Variants in LRRTM4 observed in about 807,000 individuals in gnomAD.
The protein encoded by LRRTM4 is leucine rich repeat transmembrane neuronal 4, also known as leucine-rich repeat transmembrane neuronal protein 4.
A neutral mutation model predicts 47.6 loss-of-function variants in LRRTM4; 25 were observed. That is an observed-to-expected ratio of 0.53 (90% CI 0.38 to 0.73). The LOEUF is 0.73. Ranked by LOEUF, LRRTM4 falls within the 30% of genes least tolerant of loss-of-function variation. The pLI is 0.00. For synonymous variants in LRRTM4, 311 were observed against 269.5 expected (o/e 1.15, Z -1.51); for missense variants, 638 against 713.4 (o/e 0.89, Z 1.20).
At chr2:77,060,026 G>A (rs1172471244) in intron 3 of LRRTM4, among the ~76,000 whole-genome samples, 1 of 152,180 alleles carries the variant, frequency 6.6e-6, no homozygotes, top group Admixed American at 6.5e-5. Flanking sequence ...GCAGACTATG[G>A]CTTGCAGGCC....
chr2:77,520,121 A>G (rs1434107174), intron 2 of LRRTM4, among the ~76,000 whole-genome samples: 2 of 152,090 alleles, frequency 1.3e-5, no homozygotes, highest in African/African-American at 4.8e-5. Context: ...AGGAGTTCCT[A>G]CTTATTTCAA....
At chr2:76,853,549 A>G (rs1672060566) in intron 3 of LRRTM4, among the ~76,000 whole-genome samples, 1 of 152,132 alleles carries the variant, frequency 6.6e-6, no homozygotes, top group Admixed American at 6.6e-5. Context: ...AAGAATTGTC[A>G]AGAAAATGAT....
chr2:77,299,127 A>T (rs942460964), intron 3 of LRRTM4, among the ~76,000 whole-genome samples: 1 of 152,046 alleles, frequency 6.6e-6, no homozygotes, highest in Non-Finnish European at 1.5e-5. Flanking sequence ...CAAATATAGG[A>T]ATAGCAATTA....
intron 3 of LRRTM4, among the ~76,000 whole-genome samples, chr2:77,232,525 T>C (rs1674993198): frequency 1.3e-5 from 2 of 152,192 alleles, no homozygotes; most frequent in Non-Finnish European, 2.9e-5. Flanking sequence ...CAGAATGAAG[T>C]CCAGGTCCTT....
rs114638384 is a variant in LRRTM4, at chr2:77,147,585, C to T, written c.1551+370733G>A. On this transcript the variant is annotated intron_variant, in intron 3 of 3. Coordinates refer to ENST00000409884, the MANE Select transcript of LRRTM4 (RefSeq NM_001134745.3). ...CTCTTCTATACTTCCCCAAATACCA[C>T]TGAAGCTCTTTGTTATTTTTTTCCA... 1.9e-3 allele frequency among the ~76,000 whole-genome samples: 290 copies of T among 152,304 alleles called. 1 individual carries two copies. Among genetic ancestry groups the T allele is most frequent in the African/African-American group, 6.7e-3 (280 of 41,574 alleles).
At chr2:76,965,927 A>G (rs1676009091) in intron 3 of LRRTM4, among the ~76,000 whole-genome samples, 1 of 151,370 alleles carries the variant, frequency 6.6e-6, no homozygotes, top group Non-Finnish European at 1.5e-5. Context: ...CACCCTCATA[A>G]TAACTGTAGG....
At chr2:77,212,355 GATATAT>G (rs67657668) in intron 3 of LRRTM4, among the ~76,000 whole-genome samples, 1 of 146,588 alleles carries the variant, frequency 6.8e-6, no homozygotes, top group African/African-American at 2.5e-5. Context: ...ATTAACTCAT[GATATAT>G]ATATATATAT....
intron 3 of LRRTM4, among the ~76,000 whole-genome samples, chr2:77,224,608 A>T (rs1273752975): frequency 1.3e-5 from 2 of 152,246 alleles, no homozygotes; most frequent in Non-Finnish European, 2.9e-5. Context: ...AACACATAAA[A>T]AAATGCTCAT....
rs558911472 is a variant in LRRTM4 at position 77,461,479 on chromosome 2, A to G, written c.1551+56839T>C. On this transcript the variant is annotated intron_variant, in intron 3 of 3. Transcript: ENST00000409884. The stretch of plus-strand genomic sequence containing the variant: ...ATTAAAAACTTCCAATACCATATGG[A>G]CTGAAATGTTAAAATACCCATTCCC... Among the ~76,000 whole-genome samples, 55 of 152,236 alleles carry G rather than the reference A, an allele frequency of 3.6e-4. No homozygotes were observed. In the South Asian group the frequency reaches 0.011, roughly 32 times the overall value.
In LRRTM4 at chr2:77,445,129, T is replaced by C. The variant is rs1676002349; in HGVS notation, c.1551+73189A>G. Among the ~76,000 whole-genome samples the C allele has an allele frequency of 2.6e-5, 4 of 152,160 alleles. No individual in the cohort carries two copies. The South Asian group carries it at 8.3e-4, about 32-fold the overall frequency. On this transcript the variant is annotated intron_variant, in intron 3 of 3. Coordinates refer to ENST00000409884, the MANE Select transcript of LRRTM4 (RefSeq NM_001134745.3). Reference sequence around the variant, plus strand: ...GGCAATTGTGTATGATTAAAGACAATAGATGCTAGCACCTTAGTGACTAGG... The same window carrying C: ...GGCAATTGTGTATGATTAAAGACAACAGATGCTAGCACCTTAGTGACTAGG...
intron 3 of LRRTM4, among the ~76,000 whole-genome samples, chr2:77,055,583 C>G (rs1679576107): frequency 6.6e-6 from 1 of 152,160 alleles, no homozygotes; most frequent in South Asian, 2.1e-4. Context: ...CACTTTTACA[C>G]TGTTGGTAGG....
chr2:76,911,229 T>C lies in LRRTM4; in HGVS notation c.1552-162313A>G, dbSNP rs542586828. 1.9e-4 allele frequency among the ~76,000 whole-genome samples: 29 copies of C among 152,152 alleles called. No individual in the cohort carries two copies. The East Asian group carries it at 4.8e-3, about 25-fold the overall frequency. Reference sequence around the variant, plus strand: ...AACCTTTGACAAGAATTATTACAGATAGACGTGTTGTGAAGCCAGTAGAGT... The same window carrying C: ...AACCTTTGACAAGAATTATTACAGACAGACGTGTTGTGAAGCCAGTAGAGT... On this transcript the variant is annotated intron_variant, in intron 3 of 3. Transcript: ENST00000409884.
At chr2:77,290,695 G>T (rs1458666598) in intron 3 of LRRTM4, among the ~76,000 whole-genome samples, 1 of 151,746 alleles carries the variant, frequency 6.6e-6, no homozygotes, top group Non-Finnish European at 1.5e-5. Flanking sequence ...CTGTAATAAT[G>T]AAAATTTTAA....
At chr2:77,517,035 A>G in intron 3 of LRRTM4, 1 of 984,824 alleles carries the variant, frequency 1.0e-6, no homozygotes, top group Non-Finnish European at 1.2e-6. Flanking sequence ...ATACTAAAAC[A>G]TTATATTGCC....
At chr2:77,207,036 C>T (rs1432333330) in intron 3 of LRRTM4, among the ~76,000 whole-genome samples, 1 of 151,402 alleles carries the variant, frequency 6.6e-6, no homozygotes, top group Admixed American at 6.6e-5. Flanking sequence ...TAATTTCATA[C>T]AATGTCTCTT....
chr2:77,275,954 T>C (rs1467436054), intron 3 of LRRTM4, among the ~76,000 whole-genome samples: 1 of 152,100 alleles, frequency 6.6e-6, no homozygotes, highest in Non-Finnish European at 1.5e-5. Flanking sequence ...CCCTTTCCTG[T>C]TTAGGCTTCA....
chr2:76,804,430 A>G (rs1027416856), intron 3 of LRRTM4, among the ~76,000 whole-genome samples: 1 of 152,000 alleles, frequency 6.6e-6, no homozygotes, highest in African/African-American at 2.4e-5. Flanking sequence ...AACAGAAAAC[A>G]CTGGAGATTA....
intron 3 of LRRTM4, among the ~76,000 whole-genome samples, chr2:77,049,874 T>C (rs967338549): frequency 2.0e-5 from 3 of 152,062 alleles, no homozygotes; most frequent in Admixed American, 2.0e-4. Context: ...CCCAGACCAA[T>C]GTTCTTTAGT....
chr2:76,907,929 T>C (rs1173730236), intron 3 of LRRTM4, among the ~76,000 whole-genome samples: 3 of 148,930 alleles, frequency 2.0e-5, no homozygotes, highest in Non-Finnish European at 4.4e-5. Flanking sequence ...GAGGAACTGG[T>C]ACCATTCCTT....
Sources: allele counts gnomAD v4.1 joint callset (sites outside exome capture counted in the v4.1 genomes callset), GRCh38; gene constraint gnomAD v4.1.1; transcripts MANE v1.5; gene names NCBI Gene and HGNC (gene_info 2026-07-23, HGNC 2026-07-21).